The following C3orf52 variants were observed in gnomAD, a reference collection of about 807,000 sequenced individuals.
C3orf52 encodes the protein chromosome 3 open reading frame 52, also known as TPA-induced transmembrane protein.
A neutral mutation model predicts 24.8 loss-of-function variants in C3orf52; 22 were observed. The ratio of observed to expected loss-of-function variants is 0.89; its 90% CI spans 0.63 to 1.27. C3orf52 has a LOEUF of 1.27. Ranked by LOEUF, C3orf52 falls within the 50% of genes most tolerant of loss-of-function variation. The pLI is 0.00. For missense variants in C3orf52, 265 were observed against 260.7 expected (o/e 1.02, Z -0.11); for synonymous variants, 93 against 100.2 (o/e 0.93, Z 0.43).
chr3:112,103,604 G>T (rs2073997772), intron 3 of C3orf52, among the ~76,000 whole-genome samples: 1 of 152,178 alleles, frequency 6.6e-6, no homozygotes, highest in Non-Finnish European at 1.5e-5. Flanking sequence ...AGTACAGGAA[G>T]TGACTAAAAA....
chr3:112,105,724 G>A (rs1373458157), intron 3 of C3orf52, among the ~76,000 whole-genome samples: 1 of 151,608 alleles, frequency 6.6e-6, no homozygotes, highest in African/African-American at 2.4e-5. Flanking sequence ...ACGGGAGGCT[G>A]AGGCAGGCGA....
chr3:112,123,781 C>A, intron 4 of C3orf52: 1 of 1,602,660 alleles, frequency 6.2e-7, no homozygotes, highest in South Asian at 1.1e-5. Flanking sequence ...TCCTGCTTGT[C>A]AAAGAAGAAC....
At chr3:112,092,709 G>A (rs1017078438) in intron 1 of C3orf52, among the ~76,000 whole-genome samples, 2 of 152,192 alleles carry the variant, frequency 1.3e-5, no homozygotes, top group African/African-American at 2.4e-5. Flanking sequence ...CCTCACTCCA[G>A]CCTTCTCACT....
chr3:112,113,305 G>A (rs1370702868), intron 5 of C3orf52, among the ~76,000 whole-genome samples, 160 bp downstream of exon 5: 1 of 152,168 alleles, frequency 6.6e-6, no homozygotes, highest in African/African-American at 2.4e-5. Context: ...GTTGCTGTGA[G>A]GTGATGTTCC....
At chr3:112,123,493 G>C (rs1175220122) in intron 4 of C3orf52, 2 of 1,614,166 alleles carry the variant, frequency 1.2e-6, no homozygotes, top group East Asian at 2.2e-5. Context: ...GGGGCCATAA[G>C]TGGACGTGGC....
At chr3:112,093,199 T>C (rs1205890564) in intron 1 of C3orf52, among the ~76,000 whole-genome samples, 161 bp from the exon 2 acceptor site, 1 of 152,242 alleles carries the variant, frequency 6.6e-6, no homozygotes, top group Non-Finnish European at 1.5e-5. Context: ...GAGGTTCTGT[T>C]CTGCCTCTGA....
intron 2 of C3orf52, among the ~76,000 whole-genome samples, chr3:112,101,804 A>G (rs939442798): frequency 7.2e-5 from 11 of 152,088 alleles, no homozygotes; most frequent in South Asian, 6.2e-4. Flanking sequence ...GGTTCCTCCC[A>G]CCTACGCCTT....
intron 1 of C3orf52, among the ~76,000 whole-genome samples, chr3:112,087,722 C>T (rs1430980741): frequency 1.3e-5 from 2 of 152,232 alleles, no homozygotes; most frequent in Admixed American, 6.5e-5. Context: ...AGTCTGGTCA[C>T]CAGTGCAAGT....
At chr3:112,105,216 C>T (rs2074012203) in intron 3 of C3orf52, among the ~76,000 whole-genome samples, 1 of 152,142 alleles carries the variant, frequency 6.6e-6, no homozygotes, top group Non-Finnish European at 1.5e-5. Context: ...AGTGCACTTT[C>T]TCTGTGTATC....
At chr3:112,128,520 A>G (rs1270400105) in exon 5 of C3orf52, 3 of 298,810 alleles carry the variant, frequency 1.0e-5, no homozygotes, top group Non-Finnish European at 1.3e-5. Flanking sequence ...ATTCTACACT[A>G]GAATGTGAGC....
Position 112,128,101 on chromosome 3 carries a change from T to C in C3orf52, c.*47-132T>C, listed in dbSNP as rs769282725. On this transcript the variant is annotated intron_variant, in intron 4 of 4. Transcript: ENST00000480282. ...AGAGATGGCAAATCATAAGGTTGAT[T>C]TCTGCAGCTTTGTTAAGGTGACTCC... 5.0e-6 allele frequency: 8 copies of C among 1,585,200 alleles called. No homozygotes were observed. The South Asian group carries it at 8.8e-5, about 18-fold the overall frequency.
rs114556729 is a variant in C3orf52, at chr3:112,099,403, G to A, written c.269-3435G>A. Among the ~76,000 whole-genome samples, 1,078 of 152,088 alleles carry A rather than the reference G, an allele frequency of 7.1e-3. 11 individuals carry two copies. Among genetic ancestry groups the A allele is most frequent in the African/African-American group, 0.024 (981 of 41,464 alleles). ...CCCCATTCACTCACCCTTTATATAA[G>A]ACCAAGTTTATTTTAGTTCTGCTAC... is the stretch of plus-strand genomic sequence containing the variant. On this transcript the variant is annotated intron_variant, in intron 2 of 5. Transcript: ENST00000264848.
intron 5 of C3orf52, among the ~76,000 whole-genome samples, chr3:112,113,835 C>A (rs2074109472): frequency 6.6e-6 from 1 of 152,200 alleles, no homozygotes; most frequent in Non-Finnish European, 1.5e-5. Context: ...GGCCAAATGG[C>A]TTCAAGCCCT....
chr3:112,121,926 C>T (rs1277442880), downstream of C3orf52: 1 of 152,154 alleles, frequency 6.6e-6, no homozygotes, highest in East Asian at 1.9e-4. Context: ...GGTCCAAGGG[C>T]CTGTCTAGTA....
chr3:112,096,245 T>G (rs1347568135), intron 2 of C3orf52, among the ~76,000 whole-genome samples: 2 of 152,176 alleles, frequency 1.3e-5, no homozygotes, highest in Admixed American at 6.5e-5. Flanking sequence ...AAAGAAAAAC[T>G]GACAAATCCA....
chr3:112,090,652 CA>C (rs1241666560), intron 1 of C3orf52, among the ~76,000 whole-genome samples: 2 of 152,128 alleles, frequency 1.3e-5, no homozygotes, highest in East Asian at 3.9e-4. Flanking sequence ...TGAGTTCCTC[CA>C]GGAAGTCATA....
At chr3:112,101,994 A>AAG (rs1183954327) in intron 2 of C3orf52, among the ~76,000 whole-genome samples, 21 of 152,206 alleles carry the variant, frequency 1.4e-4, no homozygotes, top group Non-Finnish European at 2.9e-5. Context: ...AAACACAAGC[A>AAG]GCAATACATA....
chr3:112,130,195 G>A (rs1576171099), downstream of C3orf52: 1 of 513,750 alleles, frequency 1.9e-6, no homozygotes, highest in Non-Finnish European at 3.5e-6. Context: ...TTATAACAGG[G>A]CATAACAGGG....
At chr3:112,127,023 G>T in intron 4 of C3orf52, 1 of 1,582,596 alleles carries the variant, frequency 6.3e-7, no homozygotes, top group Non-Finnish European at 8.7e-7. Flanking sequence ...TCAAAAATGA[G>T]TATTTTTTTC....
Sources: gnomAD v4.1 joint callset for allele counts (sites outside exome capture counted in the v4.1 genomes callset) on GRCh38, gnomAD v4.1.1 for gene constraint, MANE v1.5 for transcripts, NCBI Gene and HGNC (gene_info 2026-07-23, HGNC 2026-07-21) for gene names.